Variants in TPT1 observed in about 807,000 individuals in gnomAD.
The protein encoded by TPT1 is tumor protein, translationally-controlled 1, also known as translationally-controlled tumor protein.
In TPT1, 5 loss-of-function variants were observed where a neutral mutation model predicts 22.8. That is an observed-to-expected ratio of 0.22 (90% CI 0.11 to 0.46). The LOEUF is 0.46. Among genes scored for constraint, TPT1 ranks in the 20% least tolerant of loss-of-function variants. The probability of loss-of-function intolerance (pLI) is 0.99; values close to 1 mark genes in which losing one functional copy is unlikely to be tolerated. For missense variants in TPT1, 130 were observed against 218.7 expected (o/e 0.59, Z 2.56); for synonymous variants, 89 against 73.6 (o/e 1.21, Z -1.07).
rs1367057478 is a variant in TPT1 at position 45,333,617 on chromosome 13, TAACTA to T, written c.*3764_*3768del. On this transcript the variant is annotated 3_prime_UTR_variant, in exon 6 of 6. Coordinates refer to ENST00000530705, the MANE Select transcript of TPT1 (RefSeq NM_003295.4). ...TTACATCAACAAAAATCTAGTCATT[TAACTA>T]GATTTTGAAACTCCTAATGATCCAA... 6.6e-6 allele frequency: 1 copy of T among 152,246 alleles called. No homozygotes were observed. The highest frequency in any genetic ancestry group is 1.5e-5 in the Non-Finnish European group (1 of 68,046). The allele number at this position is 152,246 out of a possible 1,614,324, so 9.4% of individuals were successfully genotyped here. A position where few individuals can be genotyped will look rare whatever the true frequency, so the allele number is the denominator to read the frequency against.
chr13:45,340,879 C>T (rs918710891), intron 1 of TPT1, 94 bp from the exon 2 acceptor site: 101 of 1,463,764 alleles, frequency 6.9e-5, no homozygotes, highest in Middle Eastern at 2.0e-4. Context: ...ATCTGCCCCT[C>T]CGTAGCACAC....
rs749274262 is a variant in TPT1 at position 45,340,788 on chromosome 13, G to C, written c.29-3C>G. 6.6e-7 allele frequency: 1 copy of C among 1,513,128 alleles called. No individual in the cohort carries two copies. Among genetic ancestry groups the C allele is most frequent in the Non-Finnish European group, 8.8e-7 (1 of 1,131,432 alleles). The allele number at this position is 1,513,128 out of a possible 1,614,324, so 93.7% of individuals were successfully genotyped here. On this transcript the variant is annotated splice_region_variant and splice_polypyrimidine_tract_variant and intron_variant, in intron 1 of 5. Transcript: ENST00000530705. ...GATGTCGGAGAACATCTCATCGTCT[G>C]CCGGATACACAGAGCCGCCCATCAC... is the stretch of plus-strand genomic sequence containing the variant.
chr13:45,334,463 C>G lies in TPT1; in HGVS notation c.*2923G>C, dbSNP rs1425152890. The G allele has an allele frequency of 6.6e-6, 1 of 152,200 alleles. No individual in the cohort carries two copies. Among genetic ancestry groups the G allele is most frequent in the African/African-American group, 2.4e-5 (1 of 41,420 alleles). The allele number at this position is 152,200 out of a possible 1,614,324, so 9.4% of individuals were successfully genotyped here. ...TCCAGCTTAGACTTCTCTGAAGAAT[C>G]AGCATCTCAAACTTAACACATCCAA... On this transcript the variant is annotated 3_prime_UTR_variant, in exon 6 of 6. Coordinates refer to ENST00000530705, the MANE Select transcript of TPT1 (RefSeq NM_003295.4).
chr13:45,340,943 C>A, intron 1 of TPT1, 99 bp downstream of exon 1: 1 of 1,542,724 alleles, frequency 6.5e-7, no homozygotes, highest in Non-Finnish European at 8.8e-7. Context: ...GCTAAGACCG[C>A]CGGCGTCCCC....
rs1878678639 is a variant in TPT1 at position 45,336,203 on chromosome 13, T to TGG, written c.*1181_*1182dup. On this transcript the variant is annotated 3_prime_UTR_variant, in exon 6 of 6. Coordinates refer to ENST00000530705, the MANE Select transcript of TPT1 (RefSeq NM_003295.4). ...GTCCCAGCAACTAGTGAGACTGAGG[T>TGG]GGGAAAATGGCTTGAGCACAGGATG... The TGG allele has an allele frequency of 2.6e-5, 4 of 152,126 alleles. No homozygotes were observed. Among genetic ancestry groups the TGG allele is most frequent in the Non-Finnish European group, 1.5e-5 (1 of 68,034 alleles). 9.4% of individuals were successfully genotyped at this position (152,126 alleles called of 1,614,324 possible). A position where few individuals can be genotyped will look rare whatever the true frequency, so the allele number is the denominator to read the frequency against.
intron 2 of TPT1, 120 bp from the exon 3 acceptor site, chr13:45,340,304 A>G: frequency 7.8e-7 from 1 of 1,286,276 alleles, no homozygotes; most frequent in Middle Eastern, 1.9e-4. Flanking sequence ...AAAAAGCACC[A>G]TTTTGGGAAT....
In TPT1 at chr13:45,335,759, C is replaced by T. The variant is rs1403048677; in HGVS notation, c.*1627G>A. On this transcript the variant is annotated 3_prime_UTR_variant, in exon 6 of 6. Coordinates refer to ENST00000530705, the MANE Select transcript of TPT1 (RefSeq NM_003295.4). ...GCATGACCCCATCCCTACAAAAAAT[C>T]TATCAGAATGCTTAAAATTGCTATT... is the stretch of plus-strand genomic sequence containing the variant. 3 of 152,190 alleles carry T rather than the reference C, an allele frequency of 2.0e-5. No individual in the cohort carries two copies. The highest frequency in any genetic ancestry group is 2.1e-4 in the South Asian group (1 of 4,832). 9.4% of individuals were successfully genotyped at this position (152,190 alleles called of 1,614,324 possible).
chr13:45,337,615 C>G (rs1196001263), intron 5 of TPT1: 3 of 1,557,296 alleles, frequency 1.9e-6, no homozygotes, highest in Non-Finnish European at 2.6e-6. Context: ...TGCAGAACAC[C>G]CTTACCAAAT....
At chr13:45,338,845 A>C (rs1413571529) in intron 4 of TPT1, 69 bp from the exon 5 acceptor site, 1 of 1,321,994 alleles carries the variant, frequency 7.6e-7, no homozygotes, top group African/African-American at 1.5e-5. Flanking sequence ...AAAACAAACT[A>C]CAGTACAAGG....
At position 45,336,862 on chromosome 13, in the gene TPT1, A is replaced by G. The variant is rs1372060893; in HGVS notation, c.*524T>C. 6.5e-6 allele frequency: 1 copy of G among 154,992 alleles called. No individual in the cohort carries two copies. Among genetic ancestry groups the G allele is most frequent in the East Asian group, 1.9e-4 (1 of 5,246 alleles). The allele number at this position is 154,992 out of a possible 1,614,324, so 9.6% of individuals were successfully genotyped here. ...CTCTTTATGTGAAATAAGCTGAGAC[A>G]AAGTTGCTTCCACTGAATGAGTCTC... On this transcript the variant is annotated 3_prime_UTR_variant, in exon 6 of 6. Transcript: ENST00000530705.
At position 45,335,316 on chromosome 13, in the gene TPT1, G is replaced by C. The variant is rs1878602946; in HGVS notation, c.*2070C>G. 6.6e-6 allele frequency: 1 copy of C among 152,200 alleles called. No individual in the cohort carries two copies. Among genetic ancestry groups the C allele is most frequent in the South Asian group, 2.1e-4 (1 of 4,830 alleles). The allele number at this position is 152,200 out of a possible 1,614,324, so 9.4% of individuals were successfully genotyped here. ...AAATGCTATGTCCCAGCCTTGATTG[G>C]ATCTGGATGTTGGGAAAACAGCTAA... On this transcript the variant is annotated 3_prime_UTR_variant, in exon 6 of 6. Coordinates refer to ENST00000530705, the MANE Select transcript of TPT1 (RefSeq NM_003295.4).
At chr13:45,338,468 A>G in intron 5 of TPT1, 192 bp downstream of exon 5, 1 of 1,166,398 alleles carries the variant, frequency 8.6e-7, no homozygotes, top group Non-Finnish European at 1.2e-6. Context: ...TTCCACAAAT[A>G]AGATTCTAAG....
At chr13:45,340,418 C>A (rs1210194735) in intron 2 of TPT1, 24 of 751,698 alleles carry the variant, frequency 3.2e-5, no homozygotes, top group Non-Finnish European at 5.3e-5. Context: ...CAGTTGCGGG[C>A]ATGTGATGCC....
At chr13:45,338,552 T>C in intron 5 of TPT1, 108 bp downstream of exon 5, 2 of 1,479,698 alleles carry the variant, frequency 1.4e-6, no homozygotes, top group Middle Eastern at 1.8e-4. Context: ...ACTAAAACCA[T>C]GTTTCAGAAC....
intron 5 of TPT1, 78 bp downstream of exon 5, chr13:45,338,578 CTCAG>C: frequency 6.4e-7 from 1 of 1,556,452 alleles, no homozygotes; most frequent in African/African-American, 1.4e-5. Context: ...AAAACTCATT[CTCAG>C]TGTCACAAAA....
rs1441253848 is a variant in TPT1, at chr13:45,335,616, T to C, written c.*1770A>G. Reference sequence around the variant, plus strand: ...ATGAGACTCACACTTTTCATTACAATGTCAAATCAGAACGCTAAGCCAGGT... The same window carrying C: ...ATGAGACTCACACTTTTCATTACAACGTCAAATCAGAACGCTAAGCCAGGT... On this transcript the variant is annotated 3_prime_UTR_variant, in exon 6 of 6. Coordinates refer to ENST00000530705, the MANE Select transcript of TPT1 (RefSeq NM_003295.4). 3 of 152,172 alleles carry C rather than the reference T, an allele frequency of 2.0e-5. No homozygotes were observed. The highest frequency in any genetic ancestry group is 2.9e-5 in the Non-Finnish European group (2 of 68,046). 9.4% of individuals were successfully genotyped at this position (152,172 alleles called of 1,614,324 possible).
In TPT1 at chr13:45,333,705, CTGTAT is replaced by C. The variant is rs1878509596; in HGVS notation, c.*3676_*3680del. Reference sequence around the variant, plus strand: ...GCACACATAATAAAAAACCATGTACCTGTATTGTATTTCATGCCTGCGACTGTTAG... The same window carrying C: ...GCACACATAATAAAAAACCATGTACCTGTATTTCATGCCTGCGACTGTTAG... On this transcript the variant is annotated 3_prime_UTR_variant, in exon 6 of 6. Transcript: ENST00000530705. 1 of 152,144 alleles carries C rather than the reference CTGTAT, an allele frequency of 6.6e-6. No homozygotes were observed. The highest frequency in any genetic ancestry group is 1.5e-5 in the Non-Finnish European group (1 of 68,028). 9.4% of individuals were successfully genotyped at this position (152,144 alleles called of 1,614,324 possible).
intron 3 of TPT1, 157 bp downstream of exon 3, chr13:45,339,837 A>G (rs1878962825): frequency 4.7e-6 from 4 of 856,816 alleles, no homozygotes; most frequent in Non-Finnish European, 7.0e-6. Flanking sequence ...GTATGCTCAT[A>G]TTATAGAAAA....
chr13:45,337,552 T>A (rs1357456311), intron 5 of TPT1, 164 bp from the exon 6 acceptor site: 7 of 1,611,426 alleles, frequency 4.3e-6, no homozygotes, highest in Non-Finnish European at 5.1e-6. Flanking sequence ...TTCTTTTGCA[T>A]CCTAGTGCAA....
Sources: gnomAD v4.1 joint callset for allele counts on GRCh38, gnomAD v4.1.1 for gene constraint, MANE v1.5 for transcripts, NCBI Gene and HGNC (gene_info 2026-07-23, HGNC 2026-07-21) for gene names.